Variants in ATP6V0A4 observed in about 807,000 individuals in gnomAD.
The protein encoded by ATP6V0A4 is V-type proton ATPase 116 kDa subunit a 4.
Under a neutral mutation model 107.3 loss-of-function variants are expected in ATP6V0A4, and 86 were observed. The observed-to-expected ratio is 0.80, with a 90% CI of 0.67 to 0.96. ATP6V0A4 has a LOEUF of 0.96. Among genes scored for constraint, ATP6V0A4 ranks in the 40% least tolerant of loss-of-function variants. The pLI, the probability that ATP6V0A4 is intolerant of heterozygous loss-of-function variation, is 0.00. For synonymous variants in ATP6V0A4, 353 were observed against 381.4 expected, an observed-to-expected ratio of 0.93 and a Z score of 0.87; for missense variants, 908 against 1,045.6, an observed-to-expected ratio of 0.87 and a Z score of 1.81.
At chr7:138,739,372 CT>C (rs1199062553) in intron 15 of ATP6V0A4, among the ~76,000 whole-genome samples, 167 bp downstream of exon 15, 4 of 152,178 alleles carry the variant, frequency 2.6e-5, no homozygotes, top group Non-Finnish European at 4.4e-5. Context: ...GTAGACAGAA[CT>C]TTTACTTGAC....
rs1243266018 is a variant in ATP6V0A4 at position 138,771,131 on chromosome 7, A to G, written c.117T>C (p.Asp39=). Residue 39 remains aspartate, a splice_region_variant and synonymous_variant, in exon 3 of 22, where the codon GAT becomes GAC. Transcript: ENST00000310018. ...TATCTCCAAAGAACTCAGTACCTAC[A>G]TCTTTGAACTGAACCAATCCGAGCT... ...LGELGLVQFK[D]LNMNVNSFQR... is the part of the protein sequence containing the mutation. 6.2e-7 allele frequency: 1 copy of G among 1,613,734 alleles called. No individual in the cohort carries two copies. Among genetic ancestry groups the G allele is most frequent in the South Asian group, 1.1e-5 (1 of 91,072 alleles).
In ATP6V0A4 at chr7:138,745,358, T is replaced by A. The variant is rs1805861409; in HGVS notation, c.1321-78A>T. 1.9e-6 allele frequency: 3 copies of A among 1,604,254 alleles called. No homozygotes were observed. In the Admixed American group the frequency reaches 5.0e-5, roughly 27 times the overall value. The stretch of plus-strand genomic sequence containing the variant: ...CCAGAGGGAAGCGTTCTACAGGATA[T>A]CTCCAGCATCACCGGTGCAGGCACC... On this transcript the variant is annotated intron_variant, in intron 13 of 21. Transcript: ENST00000310018.
At chr7:138,734,791 A>G (rs1309250165) in intron 15 of ATP6V0A4, among the ~76,000 whole-genome samples, 1 of 151,964 alleles carries the variant, frequency 6.6e-6, no homozygotes, top group African/African-American at 2.4e-5. Flanking sequence ...AAAAAAAAAA[A>G]AAAAAAAAGA....
At chr7:138,784,244 A>ACG (rs1381714447) in intron 2 of ATP6V0A4, among the ~76,000 whole-genome samples, 2 of 41,404 alleles carry the variant, frequency 4.8e-5, no homozygotes, top group Non-Finnish European at 9.8e-5. Context: ...ACGTATATAT[A>ACG]TATATATACA....
At chr7:138,710,925 C>G (rs1263885844) in intron 20 of ATP6V0A4, among the ~76,000 whole-genome samples, 1 of 152,178 alleles carries the variant, frequency 6.6e-6, no homozygotes, top group Non-Finnish European at 1.5e-5. Context: ...GAATTCGAAG[C>G]AGTTTACACA....
chr7:138,770,753 G>C (rs1214910453), intron 3 of ATP6V0A4, among the ~76,000 whole-genome samples: 1 of 152,202 alleles, frequency 6.6e-6, no homozygotes, highest in South Asian at 2.1e-4. Flanking sequence ...TCTTCAGCCT[G>C]TCTAGTCAGG....
chr7:138,739,613 C>G lies in ATP6V0A4; in HGVS notation c.1499G>C (p.Ser500Thr), dbSNP rs1805513369. The G allele has an allele frequency of 6.2e-7, 1 of 1,614,020 alleles. No homozygotes were observed. Among genetic ancestry groups the G allele is most frequent in the African/African-American group, 1.3e-5 (1 of 74,902 alleles). The change falls in exon 15 of 22, where the codon AGT (serine) becomes ACT (threonine). Residue 500 changes from serine to threonine, a missense_variant. Ser to Thr is a moderately conservative substitution (Grantham distance 58). Transcript: ENST00000310018. ...GGCTGGGTCCAGCTGCAGATATAGACTTTCCTCCATTACATGAGTACTTTA... is the reference window on the plus strand; with the variant it reads ...GGCTGGGTCCAGCTGCAGATATAGAGTTTCCTCCATTACATGAGTACTTTA... ...GTWNTHVMEESLYLQLDPAIP... is the reference protein window; with the variant it reads ...GTWNTHVMEETLYLQLDPAIP...
At chr7:138,770,729 T>C (rs944565286) in intron 3 of ATP6V0A4, among the ~76,000 whole-genome samples, 38 of 152,294 alleles carry the variant, frequency 2.5e-4, no homozygotes, top group Admixed American at 3.3e-4. Context: ...AACTCTGGAC[T>C]CCAGAATACT....
Position 138,771,078 on chromosome 7 carries a change from T to G in ATP6V0A4, c.117+53A>C, listed in dbSNP as rs994478038. On this transcript the variant is annotated intron_variant, in intron 3 of 21. Transcript: ENST00000310018. The stretch of plus-strand genomic sequence containing the variant: ...ACCATAAAGAAGTGTTGTGCAAGAG[T>G]TATCTACTCCCACCCCTGCCTTCCT... The G allele has an allele frequency of 2.0e-6, 3 of 1,519,626 alleles. 1 individual carries two copies. Among genetic ancestry groups the G allele is most frequent in the Non-Finnish European group, 9.1e-7 (1 of 1,096,766 alleles). The allele number at this position is 1,519,626 out of a possible 1,614,324, so 94.1% of individuals were successfully genotyped here. A position where few individuals can be genotyped will look rare whatever the true frequency, so the allele number is the denominator to read the frequency against.
intron 5 of ATP6V0A4, among the ~76,000 whole-genome samples, chr7:138,767,600 T>C (rs1281200937): frequency 6.7e-6 from 1 of 150,202 alleles, no homozygotes; most frequent in Non-Finnish European, 1.5e-5. Flanking sequence ...TCAAGATTTA[T>C]ACTACTCATG....
At chr7:138,728,171 C>T (rs113355482) in intron 18 of ATP6V0A4, among the ~76,000 whole-genome samples, 6 of 139,776 alleles carry the variant, frequency 4.3e-5, no homozygotes, top group South Asian at 4.9e-4. Flanking sequence ...TTAACTACCA[C>T]GAGACTCAGC....
intron 15 of ATP6V0A4, among the ~76,000 whole-genome samples, chr7:138,737,386 T>C (rs1805392370): frequency 6.6e-6 from 1 of 151,484 alleles, no homozygotes; most frequent in South Asian, 2.1e-4. Context: ...AAGATGTGCC[T>C]TTCACTTTCC....
chr7:138,721,778 G>A, intron 19 of ATP6V0A4, 119 bp downstream of exon 19: 1 of 1,136,934 alleles, frequency 8.8e-7, no homozygotes. Context: ...CCAGGACTCA[G>A]CAGTGACAGG....
intron 4 of ATP6V0A4, 136 bp downstream of exon 4, chr7:138,769,037 T>G: frequency 6.6e-7 from 1 of 1,520,982 alleles, no homozygotes; most frequent in Non-Finnish European, 9.0e-7. Flanking sequence ...CCCCATTCCC[T>G]CCAGGTGGGC....
At chr7:138,758,876 A>G (rs1167491619) in intron 8 of ATP6V0A4, among the ~76,000 whole-genome samples, 4 of 147,170 alleles carry the variant, frequency 2.7e-5, no homozygotes, top group East Asian at 2.0e-4. Context: ...TCAGCCTCGC[A>G]AGTAGCTGGC....
chr7:138,782,578 A>G (rs972787833), intron 2 of ATP6V0A4, among the ~76,000 whole-genome samples: 3 of 152,216 alleles, frequency 2.0e-5, no homozygotes, highest in Non-Finnish European at 2.9e-5. Context: ...AGAGGAGACA[A>G]ACAAGAAACA....
rs1414082435 is a variant in ATP6V0A4 at position 138,745,875 on chromosome 7, C to T, written c.1321-595G>A. Among the ~76,000 whole-genome samples the T allele has an allele frequency of 4.5e-5, 6 of 132,540 alleles. No homozygotes were observed. The South Asian group carries it at 9.6e-4, about 21-fold the overall frequency. 87.0% of individuals were successfully genotyped at this position (132,540 alleles called of 152,430 possible). The stretch of plus-strand genomic sequence containing the variant: ...AGGAGAATCACTTGAACCCGGGAGG[C>T]GGAGGTTGCAGTGAGCTGAGATTGC... On this transcript the variant is annotated intron_variant, in intron 13 of 21. Coordinates refer to ENST00000310018, the MANE Select transcript of ATP6V0A4 (RefSeq NM_020632.3).
chr7:138,761,030 C>T lies in ATP6V0A4; in HGVS notation c.513-1152G>A, dbSNP rs557598979. ...GTCTTGCTATGTTGCTCAGGCTGAT[C>T]TCAAACTCCTGGCCTCAAGTGATCC... is the stretch of plus-strand genomic sequence containing the variant. On this transcript the variant is annotated intron_variant, in intron 7 of 21. Coordinates refer to ENST00000310018, the MANE Select transcript of ATP6V0A4 (RefSeq NM_020632.3). 2.0e-5 allele frequency among the ~76,000 whole-genome samples: 3 copies of T among 151,894 alleles called. No homozygotes were observed. The East Asian group carries it at 5.8e-4, about 29-fold the overall frequency.
At chr7:138,753,459 T>G (rs1157894009) in intron 10 of ATP6V0A4, among the ~76,000 whole-genome samples, 20 of 152,220 alleles carry the variant, frequency 1.3e-4, no homozygotes, top group Non-Finnish European at 4.4e-5. Flanking sequence ...TATTGTCTTA[T>G]GCCACCCAGT....
Sources: allele counts gnomAD v4.1 joint callset (sites outside exome capture counted in the v4.1 genomes callset), GRCh38; gene constraint gnomAD v4.1.1; transcripts MANE v1.5; gene names NCBI Gene and HGNC (gene_info 2026-07-23, HGNC 2026-07-21).